TM9SF2: variants seen among roughly 807,000 people sequenced by gnomAD.
TM9SF2 encodes the protein 76 kDa membrane protein.
In TM9SF2, 13 loss-of-function variants were observed where a neutral mutation model predicts 84.9. That is an observed-to-expected ratio of 0.15 (90% confidence interval 0.10 to 0.24). TM9SF2 has a LOEUF of 0.24. TM9SF2 is among the 10% of genes least tolerant of loss of function. TM9SF2 has a pLI of 1.00. For synonymous variants in TM9SF2, 273 were observed against 285.8 expected, an observed-to-expected ratio of 0.96 and a Z score of 0.45; for missense variants, 562 against 818.5, an observed-to-expected ratio of 0.69 and a Z score of 3.82.
chr13:99,532,152 C>A (rs545176784), intron 4 of TM9SF2, among the ~76,000 whole-genome samples: 1 of 151,592 alleles, frequency 6.6e-6, no homozygotes, highest in Non-Finnish European at 1.5e-5. Context: ...CCCGGGTCCA[C>A]GCCATTCTCC....
At chr13:99,535,481 A>G (rs2139093327) in intron 4 of TM9SF2, among the ~76,000 whole-genome samples, 1 of 152,332 alleles carries the variant, frequency 6.6e-6, no homozygotes, top group Non-Finnish European at 1.5e-5. Flanking sequence ...TGAATTATTT[A>G]TTCTATATAA....
At chr13:99,516,786 T>C (rs970078337) in intron 1 of TM9SF2, among the ~76,000 whole-genome samples, 1 of 152,220 alleles carries the variant, frequency 6.6e-6, no homozygotes, top group African/African-American at 2.4e-5. Context: ...AGTTAGACCA[T>C]GTGGTCATTG....
intron 1 of TM9SF2, among the ~76,000 whole-genome samples, chr13:99,507,656 T>C (rs1322820228): frequency 6.6e-6 from 1 of 152,238 alleles, no homozygotes; most frequent in South Asian, 2.1e-4. Context: ...GAGACTTTTA[T>C]TGTGCCTGAG....
intron 1 of TM9SF2, among the ~76,000 whole-genome samples, chr13:99,513,293 C>T (rs1254014059): frequency 1.3e-5 from 2 of 152,122 alleles, no homozygotes; most frequent in Non-Finnish European, 2.9e-5. Context: ...GGGCAAGGTC[C>T]TGAGAAGAGC....
At chr13:99,534,695 G>A (rs1462826070) in intron 4 of TM9SF2, among the ~76,000 whole-genome samples, 3 of 152,216 alleles carry the variant, frequency 2.0e-5, no homozygotes, top group Non-Finnish European at 4.4e-5. Context: ...TAAAGGAAAG[G>A]AGTTCTTCGT....
intron 1 of TM9SF2, among the ~76,000 whole-genome samples, chr13:99,507,353 A>G (rs1291372600): frequency 6.6e-6 from 1 of 152,150 alleles, no homozygotes; most frequent in African/African-American, 2.4e-5. Context: ...TGTATCTATT[A>G]TATGTAATTT....
chr13:99,525,501 C>T (rs999382135), intron 3 of TM9SF2, among the ~76,000 whole-genome samples: 4 of 151,584 alleles, frequency 2.6e-5, no homozygotes, highest in African/African-American at 9.7e-5. Flanking sequence ...CTTGGCCTCC[C>T]AAAGTGCTGG....
intron 1 of TM9SF2, among the ~76,000 whole-genome samples, 196 bp from the exon 2 acceptor site, chr13:99,517,418 C>T (rs2046139467): frequency 6.6e-6 from 1 of 152,212 alleles, no homozygotes; most frequent in Non-Finnish European, 1.5e-5. Context: ...AGCCACCATT[C>T]CTGGCCTTAC....
In TM9SF2 at chr13:99,556,606, C is replaced by T. The variant is rs535605486; in HGVS notation, c.1752+959C>T. Among the ~76,000 whole-genome samples, 93 of 137,786 alleles carry T rather than the reference C, an allele frequency of 6.7e-4. 1 individual carries two copies. The highest frequency in any genetic ancestry group is 1.9e-3 in the South Asian group (8 of 4,256). The allele number at this position is 137,786 out of a possible 152,430, so 90.4% of individuals were successfully genotyped here. A position where few individuals can be genotyped will look rare whatever the true frequency, so the allele number is the denominator to read the frequency against. On this transcript the variant is annotated intron_variant, in intron 15 of 16. Coordinates refer to ENST00000376387, the MANE Select transcript of TM9SF2 (RefSeq NM_004800.3). ...TTTTTTTTTCCTTTTTTTCTTGAGACGGAGTCTCGCTCTGCTGCCCAGGCT... is the reference window on the plus strand; with the variant it reads ...TTTTTTTTTCCTTTTTTTCTTGAGATGGAGTCTCGCTCTGCTGCCCAGGCT...
At position 99,541,684 on chromosome 13, in the gene TM9SF2, T is replaced by C. The variant is rs1415107021; in HGVS notation, c.1017+17T>C. 4 of 1,523,004 alleles carry C rather than the reference T, an allele frequency of 2.6e-6. No individual in the cohort carries two copies. The highest frequency in any genetic ancestry group is 3.6e-6 in the Non-Finnish European group (4 of 1,103,970). 94.3% of individuals were successfully genotyped at this position (1,523,004 alleles called of 1,614,324 possible). A position where few individuals can be genotyped will look rare whatever the true frequency, so the allele number is the denominator to read the frequency against. On this transcript the variant is annotated intron_variant, in intron 9 of 16. Transcript: ENST00000376387. ...GACTCTACGGTAAGTGGAAACATTT[T>C]AGTCTTTAGTCTGCCAAGGACACTG...
intron 1 of TM9SF2, among the ~76,000 whole-genome samples, chr13:99,515,394 T>C (rs376472686): frequency 1.3e-5 from 2 of 152,252 alleles, no homozygotes; most frequent in African/African-American, 4.8e-5. Flanking sequence ...TGTATTTGTG[T>C]TAATTCAAGC....
intron 12 of TM9SF2, among the ~76,000 whole-genome samples, chr13:99,551,880 T>G (rs1417469552): frequency 6.6e-6 from 1 of 152,182 alleles, no homozygotes; most frequent in Non-Finnish European, 1.5e-5. Flanking sequence ...CAGTTTTCAA[T>G]AGAAAATACA....
At chr13:99,555,704 G>A in intron 15 of TM9SF2, 57 bp downstream of exon 15, 1 of 1,126,040 alleles carries the variant, frequency 8.9e-7, no homozygotes, top group Non-Finnish European at 1.3e-6. Context: ...TTGGCATATT[G>A]CAATTTGTAT....
At chr13:99,506,835 CCTTA>C (rs1279699150) in intron 1 of TM9SF2, among the ~76,000 whole-genome samples, 1 of 152,298 alleles carries the variant, frequency 6.6e-6, no homozygotes, top group African/African-American at 2.4e-5. Flanking sequence ...CTGCCCAAAC[CCTTA>C]CTTCCCTATT....
At chr13:99,530,094 G>A (rs1306076510) in intron 4 of TM9SF2, among the ~76,000 whole-genome samples, 1 of 151,352 alleles carries the variant, frequency 6.6e-6, no homozygotes, top group Non-Finnish European at 1.5e-5. Flanking sequence ...AAAAAAAAAG[G>A]CTGACACAAA....
At chr13:99,539,711 A>G (rs913591567) in intron 7 of TM9SF2, among the ~76,000 whole-genome samples, 154 bp downstream of exon 7, 5 of 152,226 alleles carry the variant, frequency 3.3e-5, no homozygotes, top group African/African-American at 4.8e-5. Context: ...AAGCAACATA[A>G]TCACTCTTGT....
chr13:99,552,052 A>G (rs562472597), intron 12 of TM9SF2, 115 bp from the exon 13 acceptor site: 8 of 1,007,410 alleles, frequency 7.9e-6, no homozygotes, highest in African/African-American at 3.3e-5. Context: ...TGATGCAGCA[A>G]TTCCACTTTC....
At chr13:99,508,404 A>AACACACAC (rs61561266) in intron 1 of TM9SF2, among the ~76,000 whole-genome samples, 5,549 of 134,422 alleles carry the variant, frequency 0.041, 192 homozygotes, top group East Asian at 0.14. Context: ...AGGCAAACAA[A>AACACACAC]ACACACACAC....
intron 1 of TM9SF2, among the ~76,000 whole-genome samples, chr13:99,504,070 T>C (rs2046078821): frequency 6.6e-6 from 1 of 152,222 alleles, no homozygotes; most frequent in African/African-American, 2.4e-5. Context: ...TGTAGAGAAT[T>C]TGAAATACAC....
Sources: allele counts gnomAD v4.1 joint callset (sites outside exome capture counted in the v4.1 genomes callset), GRCh38; gene constraint gnomAD v4.1.1; transcripts MANE v1.5; gene names NCBI Gene and HGNC (gene_info 2026-07-23, HGNC 2026-07-21).